Variants in NELL1 observed in about 807,000 individuals in gnomAD.
NELL1 encodes the protein neural EGFL like 1, also known as protein kinase C-binding protein NELL1.
Under a neutral mutation model 107.4 loss-of-function variants are expected in NELL1, and 76 were observed. The observed-to-expected ratio is 0.71, with a 90% CI of 0.59 to 0.86. The LOEUF is 0.86. Among genes scored for constraint, NELL1 ranks in the 40% least tolerant of loss-of-function variants. The pLI, the probability that NELL1 is intolerant of heterozygous loss-of-function variation, is 0.00. For missense variants in NELL1, 1,024 were observed against 1,005.5 expected, an observed-to-expected ratio of 1.02 and a Z score of -0.25; for synonymous variants, 353 against 341.2, an observed-to-expected ratio of 1.03 and a Z score of -0.38.
intron 12 of NELL1, among the ~76,000 whole-genome samples, chr11:21,033,887 C>T (rs1167838055): frequency 6.6e-6 from 1 of 152,144 alleles, no homozygotes; most frequent in Admixed American, 6.5e-5. Flanking sequence ...TTCTCCACAA[C>T]CTCGCCAGCA....
chr11:20,697,127 G>C (rs145926345), intron 2 of NELL1, among the ~76,000 whole-genome samples: 1 of 152,058 alleles, frequency 6.6e-6, no homozygotes, highest in East Asian at 1.9e-4. Flanking sequence ...CGATGGTGCC[G>C]GGAAAAGAAT....
At chr11:21,500,126 A>T (rs1368143587) in intron 15 of NELL1, among the ~76,000 whole-genome samples, 2 of 152,076 alleles carry the variant, frequency 1.3e-5, no homozygotes, top group Admixed American at 6.6e-5. Flanking sequence ...AAGTGAATCA[A>T]TTTTTTAAAA....
intron 14 of NELL1, among the ~76,000 whole-genome samples, chr11:21,338,957 A>G (rs911696789): frequency 1.3e-5 from 2 of 152,202 alleles, no homozygotes; most frequent in Non-Finnish European, 2.9e-5. Context: ...ATTAAGAGCC[A>G]CTAATCTCAT....
At chr11:20,915,170 A>G (rs981254324) in intron 5 of NELL1, among the ~76,000 whole-genome samples, 1 of 152,022 alleles carries the variant, frequency 6.6e-6, no homozygotes, top group African/African-American at 2.4e-5. Context: ...ATTCAGTTCC[A>G]AATCAGTAAG....
intron 14 of NELL1, among the ~76,000 whole-genome samples, 197 bp downstream of exon 14, chr11:21,229,651 A>G (rs1295011259): frequency 1.3e-5 from 2 of 152,206 alleles, no homozygotes; most frequent in African/African-American, 4.8e-5. Flanking sequence ...TGAAAGAAAA[A>G]GGTATAGGTA....
chr11:20,770,954 G>C (rs1302209033), intron 2 of NELL1: 1 of 151,152 alleles, frequency 6.6e-6, no homozygotes, highest in Non-Finnish European at 1.5e-5. Context: ...GATCTGCACT[G>C]GACAGAGGGG....
intron 13 of NELL1, among the ~76,000 whole-genome samples, chr11:21,174,754 G>T (rs542000118): frequency 6.6e-6 from 1 of 151,830 alleles, no homozygotes; most frequent in East Asian, 1.9e-4. Context: ...GGAATGCTCA[G>T]ATTAGCTATA....
At chr11:21,111,700 T>C (rs890010937) in intron 12 of NELL1, among the ~76,000 whole-genome samples, 2 of 152,070 alleles carry the variant, frequency 1.3e-5, no homozygotes, top group Non-Finnish European at 2.9e-5. Flanking sequence ...AGAAGTGATA[T>C]GCTTCCACTC....
At chr11:20,772,308 G>C (rs1396827871) in intron 2 of NELL1, among the ~76,000 whole-genome samples, 1 of 152,160 alleles carries the variant, frequency 6.6e-6, no homozygotes, top group Non-Finnish European at 1.5e-5. Flanking sequence ...TCGTGTTGGG[G>C]ACTAGGGAAG....
intron 14 of NELL1, among the ~76,000 whole-genome samples, chr11:21,354,391 T>A (rs1850883791): frequency 6.6e-6 from 1 of 152,166 alleles, no homozygotes. Context: ...CTTCACTTAG[T>A]TAAAACTTCA....
chr11:20,909,206 A>G (rs956777302), intron 5 of NELL1, among the ~76,000 whole-genome samples: 1 of 152,214 alleles, frequency 6.6e-6, no homozygotes, highest in African/African-American at 2.4e-5. Context: ...CTTAATGGTT[A>G]CAGAGTTTTT....
intron 14 of NELL1, among the ~76,000 whole-genome samples, chr11:21,290,088 G>A (rs560091958): frequency 6.6e-6 from 1 of 152,128 alleles, no homozygotes; most frequent in Non-Finnish European, 1.5e-5. Context: ...AAATATTCCG[G>A]GCTGGACGCG....
chr11:21,296,331 ATTAG>A (rs1849376342), intron 14 of NELL1, among the ~76,000 whole-genome samples: 2 of 151,908 alleles, frequency 1.3e-5, no homozygotes, highest in African/African-American at 4.8e-5. Flanking sequence ...TCAACAAATA[ATTAG>A]TTATTATTCC....
At chr11:20,804,651 C>G (rs1395185843) in intron 3 of NELL1, among the ~76,000 whole-genome samples, 2 of 152,174 alleles carry the variant, frequency 1.3e-5, no homozygotes, top group African/African-American at 4.8e-5. Context: ...GAAGATACTT[C>G]ATGTTATTTC....
At chr11:21,490,939 A>G (rs772199674) in intron 15 of NELL1, among the ~76,000 whole-genome samples, 2 of 152,150 alleles carry the variant, frequency 1.3e-5, no homozygotes, top group African/African-American at 4.8e-5. Context: ...TATAACAAAA[A>G]TAGACAAATG....
At chr11:20,961,381 T>C (rs766918644) in intron 12 of NELL1, among the ~76,000 whole-genome samples, 3 of 152,198 alleles carry the variant, frequency 2.0e-5, no homozygotes, top group Admixed American at 6.5e-5. Context: ...AAAGCTTTAA[T>C]AAGCAAAGTG....
intron 13 of NELL1, among the ~76,000 whole-genome samples, chr11:21,207,568 T>G (rs1857415921): frequency 6.6e-6 from 1 of 152,220 alleles, no homozygotes. Context: ...GAGTTCCTAC[T>G]ACTTTATGTA....
intron 14 of NELL1, among the ~76,000 whole-genome samples, chr11:21,254,993 A>T (rs1199846936): frequency 6.6e-6 from 1 of 152,070 alleles, no homozygotes; most frequent in Non-Finnish European, 1.5e-5. Flanking sequence ...TAATGATCTG[A>T]AATGACAGAC....
intron 12 of NELL1, among the ~76,000 whole-genome samples, chr11:21,093,146 A>G (rs1854559826): frequency 6.6e-6 from 1 of 152,152 alleles, no homozygotes; most frequent in Non-Finnish European, 1.5e-5. Context: ...CAACAGGCCA[A>G]TGTGAAATCA....
Sources: gnomAD v4.1 joint callset for allele counts (sites outside exome capture counted in the v4.1 genomes callset) on GRCh38, gnomAD v4.1.1 for gene constraint, MANE v1.5 for transcripts, NCBI Gene and HGNC (gene_info 2026-07-23, HGNC 2026-07-21) for gene names.